GATA5: variants seen among roughly 807,000 people sequenced by gnomAD.
GATA5 encodes the protein GATA binding protein 5, also known as transcription factor GATA-5.
Under a neutral mutation model 35.0 loss-of-function variants are expected in GATA5, and 27 were observed. That is an observed-to-expected ratio of 0.77 (90% CI 0.57 to 1.06). The LOEUF is 1.06. Ranked by LOEUF, GATA5 falls within the 50% of genes least tolerant of loss-of-function variation. The pLI is 0.00. For synonymous variants in GATA5, 306 were observed against 267.8 expected (o/e 1.14, Z -1.39); for missense variants, 612 against 580.0 (o/e 1.06, Z -0.57).
At chr20:62,466,056 C>T in intron 4 of GATA5, 135 bp from the exon 5 acceptor site, 1 of 674,830 alleles carries the variant, frequency 1.5e-6, no homozygotes, top group Non-Finnish European at 2.6e-6. Context: ...CCTGGTGGGT[C>T]AGCTGCCAGC....
chr20:62,473,674 G>A (rs1365874731), intron 2 of GATA5, 96 bp from the exon 3 acceptor site: 10 of 1,225,066 alleles, frequency 8.2e-6, no homozygotes, highest in South Asian at 1.5e-5. Context: ...GGAGCCTGGC[G>A]GCTTTCGTCA....
chr20:62,465,255 C>T, intron 6 of GATA5, 85 bp downstream of exon 6: 1 of 1,403,222 alleles, frequency 7.1e-7, no homozygotes. Flanking sequence ...GGAAGAGGCT[C>T]CGAGGGGCTC....
At position 62,475,059 on chromosome 20, in the gene GATA5, TC is replaced by T; in HGVS notation, c.462del (p.Trp154Ter). Reference protein sequence around the residue: ...AYVSPDVAQSWTAGPFDGSVL... With the variant: ...AYVSPDVAQSXTAGPFDGSVL... Reference sequence around the variant, plus strand: ...ACGCTGCCATCGAAGGGCCCGGCAGTCCAGGACTGGGCCACGTCGGGGCTCA... The same window carrying T: ...ACGCTGCCATCGAAGGGCCCGGCAGTCAGGACTGGGCCACGTCGGGGCTCA... On this transcript the variant is annotated frameshift_variant, in exon 2 of 7. Transcript: ENST00000252997. LOFTEE classifies it high-confidence loss of function. 2 of 1,418,244 alleles carry T rather than the reference TC, an allele frequency of 1.4e-6. No individual in the cohort carries two copies. The highest frequency in any genetic ancestry group is 3.0e-5 in the Admixed American group (1 of 33,070). The allele number at this position is 1,418,244 out of a possible 1,614,324, so 87.9% of individuals were successfully genotyped here.
chr20:62,475,294 G>C lies in GATA5; in HGVS notation c.228C>G (p.Gly76=). The change falls in exon 2 of 7, where the codon GGC becomes GGG. Residue 76 remains glycine, a synonymous_variant. Coordinates refer to ENST00000252997, the MANE Select transcript of GATA5 (RefSeq NM_080473.5). ...CGGCTGGGGGGTGCGGACTGCCCGG[G>C]CCGAAGGCCGACGAATCCGCGGTGG... ...QTATADSSAF[G]PGSPHPPAAH... is the part of the protein sequence containing the mutation. 8.0e-7 allele frequency: 1 copy of C among 1,245,278 alleles called. No individual in the cohort carries two copies. The highest frequency in any genetic ancestry group is 1.0e-6 in the Non-Finnish European group (1 of 994,808). 77.1% of individuals were successfully genotyped at this position (1,245,278 alleles called of 1,614,324 possible).
intron 3 of GATA5, among the ~76,000 whole-genome samples, chr20:62,469,922 C>T (rs543687383): frequency 4.0e-4 from 61 of 152,290 alleles, no homozygotes; most frequent in Non-Finnish European, 5.4e-4. Flanking sequence ...GCAGCTTGCC[C>T]GCGCTGGGGC....
chr20:62,470,468 T>C lies in GATA5; in HGVS notation c.699+2935A>G, dbSNP rs1989695478. Among the ~76,000 whole-genome samples, 1 of 152,140 alleles carries C rather than the reference T, an allele frequency of 6.6e-6. No homozygotes were observed. The highest frequency in any genetic ancestry group is 2.4e-5 in the African/African-American group (1 of 41,422). On this transcript the variant is annotated intron_variant, in intron 3 of 6. Coordinates refer to ENST00000252997, the MANE Select transcript of GATA5 (RefSeq NM_080473.5). This position sits in a 1 kb window ranked among gnomAD's most constrained non-coding sequence, Gnocchi z 4.6. ...CTGGAGGGGGGATGTAGTAAGCACT[T>C]GATACAGTGCCCATGCCCCTTGCTG...
intron 3 of GATA5, among the ~76,000 whole-genome samples, chr20:62,467,806 C>A (rs1461357481): frequency 1.3e-5 from 2 of 152,272 alleles, no homozygotes; most frequent in African/African-American, 4.8e-5. Flanking sequence ...AGTGAGCCAG[C>A]CACACTAGGG....
At chr20:62,469,885 GC>G (rs1555896408) in intron 3 of GATA5, among the ~76,000 whole-genome samples, 1 of 152,146 alleles carries the variant, frequency 6.6e-6, no homozygotes, top group Non-Finnish European at 1.5e-5. Context: ...GCCCCCCTCG[GC>G]CAGGTACTTA....
rs782509793 is a variant in GATA5, at chr20:62,473,545, C to A, written c.557G>T (p.Gly186Val). The A allele has an allele frequency of 1.0e-5, 16 of 1,604,450 alleles. No homozygotes were observed. In the South Asian group the frequency reaches 1.8e-4, roughly 18 times the overall value. Residue 186 changes from glycine (G) to valine (V), a missense_variant, in exon 3 of 7, where the codon GGT becomes GTT. By Grantham distance (109) the Gly-to-Val change is moderately radical (BLOSUM62 -3). Coordinates refer to ENST00000252997, the MANE Select transcript of GATA5 (RefSeq NM_080473.5). ...GGCCCCGCAGTTGACACACTCACGA[C>A]CCTCACCCGGGAACTCCTCCAAGAA... The part of the protein sequence containing the change: ...SDFLEEFPGE[G>V]RECVNCGALS...
At chr20:62,473,070 T>C (rs540308523) in intron 3 of GATA5, among the ~76,000 whole-genome samples, 1 of 152,282 alleles carries the variant, frequency 6.6e-6, no homozygotes, top group South Asian at 2.1e-4. Context: ...TCCTGGCTCC[T>C]GGCAGCAGGC....
At chr20:62,467,362 A>C (rs1989617942) in intron 3 of GATA5, among the ~76,000 whole-genome samples, 2 of 152,140 alleles carry the variant, frequency 1.3e-5, no homozygotes, top group Admixed American at 1.3e-4. Context: ...CTGGCCGCAC[A>C]AGTTGGTGCT....
chr20:62,475,575 G>C (rs782607630), intron 1 of GATA5, 33 bp from the exon 2 acceptor site: 1 of 1,215,768 alleles, frequency 8.2e-7, no homozygotes. Context: ...TGGAGGTCAC[G>C]GGAGCTCTGC....
Position 62,466,411 on chromosome 20 carries a change from G to T in GATA5, c.825+15C>A. On this transcript the variant is annotated intron_variant, in intron 4 of 6. Coordinates refer to ENST00000252997, the MANE Select transcript of GATA5 (RefSeq NM_080473.5). The stretch of plus-strand genomic sequence containing the variant: ...GACAGAGGCCTCCCCGCCCTGCCCC[G>T]GGGACCACACTCACCCCGTGCAGCT... 1 of 1,571,544 alleles carries T rather than the reference G, an allele frequency of 6.4e-7. No individual in the cohort carries two copies. The highest frequency in any genetic ancestry group is 1.4e-5 in the African/African-American group (1 of 74,050).
intron 3 of GATA5, among the ~76,000 whole-genome samples, chr20:62,466,765 A>C (rs1489992482): frequency 6.6e-6 from 1 of 152,156 alleles, no homozygotes; most frequent in Non-Finnish European, 1.5e-5. Context: ...TTTCCCCCCA[A>C]GTAAAAAGGG....
chr20:62,475,807 G>A, intron 1 of GATA5, 123 bp downstream of exon 1: 1 of 294,238 alleles, frequency 3.4e-6, no homozygotes, highest in Non-Finnish European at 6.3e-6. Flanking sequence ...GCTCGGTGGG[G>A]GCCTGGGAAG....
intron 3 of GATA5, among the ~76,000 whole-genome samples, chr20:62,472,452 G>A (rs56067746): frequency 0.074 from 11,238 of 152,246 alleles, 782 homozygotes; most frequent in South Asian, 0.21. Context: ...CAAGGACAGC[G>A]GCAGGAGGGC....
intron 3 of GATA5, among the ~76,000 whole-genome samples, chr20:62,468,089 G>A (rs782733606): frequency 2.8e-5 from 4 of 144,246 alleles, no homozygotes; most frequent in African/African-American, 8.3e-5. Context: ...GTTACAGCCC[G>A]CCTCGGTTTC....
At position 62,475,938 on chromosome 20, in the gene GATA5, A is replaced by G. The variant is rs1372906543; in HGVS notation, c.-30T>C. On this transcript the variant is annotated 5_prime_UTR_variant, in exon 1 of 7. Transcript: ENST00000252997. The stretch of plus-strand genomic sequence containing the variant: ...CGGGCTGGAGCACTCACCAGCGGGC[A>G]GGGAGGGCGGCAGGGCACGGCGGTG... 6.5e-6 allele frequency: 1 copy of G among 153,302 alleles called. No individual in the cohort carries two copies. The highest frequency in any genetic ancestry group is 1.4e-5 in the Non-Finnish European group (1 of 69,310). 9.5% of individuals were successfully genotyped at this position (153,302 alleles called of 1,614,324 possible).
In GATA5 at chr20:62,466,318, T is replaced by C. The variant is rs370239962; in HGVS notation, c.825+108A>G. On this transcript the variant is annotated intron_variant, in intron 4 of 6. Transcript: ENST00000252997. The stretch of plus-strand genomic sequence containing the variant: ...GTGTGTACAACAGCCCAGGGGACAA[T>C]AGCCATCCTGCCCGCTCCTCCCCAG... 223 of 1,280,284 alleles carry C rather than the reference T, an allele frequency of 1.7e-4. 1 individual carries two copies. In the African/African-American group the frequency reaches 2.1e-3, roughly 12 times the overall value. 79.3% of individuals were successfully genotyped at this position (1,280,284 alleles called of 1,614,324 possible). A position where few individuals can be genotyped will look rare whatever the true frequency, so the allele number is the denominator to read the frequency against.
Sources: gnomAD v4.1 joint callset for allele counts (sites outside exome capture counted in the v4.1 genomes callset) on GRCh38, gnomAD v4.1.1 for gene constraint, Gnocchi (gnomAD v3.1) non-coding constraint, MANE v1.5 for transcripts, NCBI Gene and HGNC (gene_info 2026-07-23, HGNC 2026-07-21) for gene names.